SEC24D: variants seen among roughly 807,000 people sequenced by gnomAD.
SEC24D encodes SEC24 homolog D, COPII component.
In SEC24D, 69 loss-of-function variants were observed where a neutral mutation model predicts 116.9. The observed-to-expected ratio is 0.59, with a 90% CI of 0.49 to 0.72. The LOEUF is 0.72. Among genes scored for constraint, SEC24D ranks in the 30% least tolerant of loss-of-function variants. The pLI is 0.00. For missense variants in SEC24D, 1,131 were observed against 1,264.1 expected (o/e 0.89, Z 1.60); for synonymous variants, 405 against 442.8 (o/e 0.91, Z 1.07).
chr4:118,777,435 G>C (rs766533586), intron 8 of SEC24D, among the ~76,000 whole-genome samples: 3 of 152,146 alleles, frequency 2.0e-5, no homozygotes, highest in Admixed American at 6.5e-5. Context: ...ACCCTAAAAA[G>C]GACATAAACT....
At chr4:118,765,802 G>A (rs1727614301) in intron 9 of SEC24D, among the ~76,000 whole-genome samples, 1 of 151,362 alleles carries the variant, frequency 6.6e-6, no homozygotes, top group African/African-American at 2.4e-5. Context: ...AGAATAACAA[G>A]ACTGTTTTCT....
intron 22 of SEC24D, among the ~76,000 whole-genome samples, chr4:118,728,153 G>A (rs1051150197): frequency 2.6e-5 from 4 of 152,132 alleles, no homozygotes; most frequent in African/African-American, 9.7e-5. Flanking sequence ...GGGCTTGGAA[G>A]GACAAGAATA....
Position 118,739,896 on chromosome 4 carries a change from T to C in SEC24D, c.2239-609A>G, listed in dbSNP as rs192352604. Reference sequence around the variant, plus strand: ...CATAGTTTTTCTTGTTTTAATTCAGTCTCTATGGCTTCTAGTTAGTTTCAC... The same window carrying C: ...CATAGTTTTTCTTGTTTTAATTCAGCCTCTATGGCTTCTAGTTAGTTTCAC... On this transcript the variant is annotated intron_variant, in intron 17 of 22. Transcript: ENST00000280551. Among the ~76,000 whole-genome samples the C allele has an allele frequency of 2.4e-3, 367 of 152,302 alleles. 3 individuals carry two copies. Among genetic ancestry groups the C allele is most frequent in the African/African-American group, 8.3e-3 (343 of 41,566 alleles).
At chr4:118,737,691 CT>C (rs1285866823) in intron 19 of SEC24D, among the ~76,000 whole-genome samples, 1 of 152,064 alleles carries the variant, frequency 6.6e-6, no homozygotes, top group Non-Finnish European at 1.5e-5. Flanking sequence ...TGAGGTTCTG[CT>C]TTTCCTTTTA....
intron 13 of SEC24D, among the ~76,000 whole-genome samples, chr4:118,746,235 G>GGGAGGGAGGGAGGGAA (rs1483237191): frequency 7.0e-6 from 1 of 143,352 alleles, no homozygotes. Context: ...GGGGGAGGGA[G>GGGAGGGAGGGAGGGAA]GGAGGGAGGG....
intron 6 of SEC24D, among the ~76,000 whole-genome samples, chr4:118,809,623 A>T (rs901450235): frequency 2.0e-5 from 3 of 152,208 alleles, no homozygotes; most frequent in South Asian, 2.1e-4. Flanking sequence ...GATGAGTCAC[A>T]GCATCTACTC....
intron 13 of SEC24D, among the ~76,000 whole-genome samples, chr4:118,750,176 A>G (rs1726752749): frequency 6.6e-6 from 1 of 152,204 alleles, no homozygotes; most frequent in Non-Finnish European, 1.5e-5. Flanking sequence ...GACTATACTG[A>G]TTGCTGCAGT....
At chr4:118,791,793 C>A in intron 8 of SEC24D, among the ~76,000 whole-genome samples, 1 of 152,156 alleles carries the variant, frequency 6.6e-6, no homozygotes, top group East Asian at 1.9e-4. Context: ...CCCAAAGTGC[C>A]GGGATTGCAG....
intron 8 of SEC24D, among the ~76,000 whole-genome samples, chr4:118,777,372 T>A (rs1481622879): frequency 6.6e-6 from 1 of 152,214 alleles, no homozygotes; most frequent in Non-Finnish European, 1.5e-5. Context: ...GGTGTTTGGT[T>A]TTCTGTCCTT....
At chr4:118,765,213 T>C (rs1257420988) in intron 9 of SEC24D, among the ~76,000 whole-genome samples, 1 of 152,212 alleles carries the variant, frequency 6.6e-6, no homozygotes, top group Non-Finnish European at 1.5e-5. Context: ...AATTCAATTG[T>C]CCCCATTTTA....
Position 118,738,347 on chromosome 4 carries a change from C to A in SEC24D, c.2410G>T (p.Val804Phe). ...TGATTAACTAGAATTTCCCGGATGA[C>A]CTTCAAAGGCTGGTGGAGAACTGCT... ...FKAVLHQPLK[V>F]IREILVNQTA... is the part of the protein sequence containing the mutation. Residue 804 changes from valine to phenylalanine, a missense_variant, in exon 19 of 23, where the codon GTC (valine) becomes TTC (phenylalanine). Val to Phe is a conservative substitution (Grantham distance 50, BLOSUM62 -1). Coordinates refer to ENST00000280551, the MANE Select transcript of SEC24D (RefSeq NM_014822.4). The A allele has an allele frequency of 1.2e-6, 2 of 1,613,340 alleles. No homozygotes were observed. The highest frequency in any genetic ancestry group is 1.7e-6 in the Non-Finnish European group (2 of 1,179,352).
chr4:118,804,570 T>C (rs1188766187), intron 7 of SEC24D, among the ~76,000 whole-genome samples: 1 of 151,636 alleles, frequency 6.6e-6, no homozygotes, highest in Non-Finnish European at 1.5e-5. Flanking sequence ...CCACCTTTTA[T>C]AGGTCACAGT....
In SEC24D at chr4:118,723,670, AC is replaced by A. The variant is rs754160675; in HGVS notation, c.2959-16del. 101 of 1,591,258 alleles carry A rather than the reference AC, an allele frequency of 6.3e-5. No homozygotes were observed. Among genetic ancestry groups the A allele is most frequent in the Non-Finnish European group, 7.6e-5 (89 of 1,172,382 alleles). ...ACAATTGTGAGCTAGGAAAAAAAAAACAAAACAGTAACAGCCCCTGGTTATA... is the reference window on the plus strand; with the variant it reads ...ACAATTGTGAGCTAGGAAAAAAAAAAAAAACAGTAACAGCCCCTGGTTATA... On this transcript the variant is annotated splice_polypyrimidine_tract_variant and intron_variant, in intron 22 of 22. Coordinates refer to ENST00000280551, the MANE Select transcript of SEC24D (RefSeq NM_014822.4).
chr4:118,804,492 T>A (rs1384564608), intron 7 of SEC24D, among the ~76,000 whole-genome samples: 2 of 151,864 alleles, frequency 1.3e-5, no homozygotes, highest in Non-Finnish European at 2.9e-5. Flanking sequence ...TTATATTTAT[T>A]TTAAATATTA....
chr4:118,745,302 T>C (rs984577247), intron 13 of SEC24D, among the ~76,000 whole-genome samples: 1 of 152,156 alleles, frequency 6.6e-6, no homozygotes, highest in Non-Finnish European at 1.5e-5. Flanking sequence ...AGAGCCAACA[T>C]TTAAAGATAG....
intron 8 of SEC24D, among the ~76,000 whole-genome samples, chr4:118,780,374 G>A (rs1481893927): frequency 1.3e-5 from 2 of 152,194 alleles, no homozygotes; most frequent in Non-Finnish European, 1.5e-5. Flanking sequence ...TAGTCACTCA[G>A]GAGCAGGATG....
intron 22 of SEC24D, among the ~76,000 whole-genome samples, chr4:118,725,549 T>C (rs998565868): frequency 3.9e-5 from 6 of 152,016 alleles, no homozygotes; most frequent in Non-Finnish European, 8.8e-5. Context: ...ACTTTCTTTA[T>C]GGAAATTAAT....
intron 11 of SEC24D, among the ~76,000 whole-genome samples, chr4:118,754,943 G>T (rs1243083296): frequency 6.6e-6 from 1 of 152,046 alleles, no homozygotes; most frequent in Non-Finnish European, 1.5e-5. Context: ...ATACATAAAA[G>T]AAAATCTACA....
intron 7 of SEC24D, among the ~76,000 whole-genome samples, chr4:118,800,090 C>T (rs899373325): frequency 2.0e-5 from 3 of 151,948 alleles, no homozygotes; most frequent in Non-Finnish European, 2.9e-5. Context: ...TCACTGAGGG[C>T]CAAATGCAGG....
Sources: gnomAD v4.1 joint callset for allele counts (sites outside exome capture counted in the v4.1 genomes callset) on GRCh38, gnomAD v4.1.1 for gene constraint, MANE v1.5 for transcripts, NCBI Gene and HGNC (gene_info 2026-07-23, HGNC 2026-07-21) for gene names.